B3GALT1: variants seen among roughly 807,000 people sequenced by gnomAD.
The protein encoded by B3GALT1 is beta-1,3-galactosyltransferase 1.
A neutral mutation model predicts 23.2 loss-of-function variants in B3GALT1; 10 were observed. The ratio of observed to expected loss-of-function variants is 0.43; its 90% CI spans 0.27 to 0.73. The LOEUF is 0.73. B3GALT1 is among the 30% of genes least tolerant of loss of function. B3GALT1 has a pLI of 0.21. For missense variants in B3GALT1, 299 were observed against 405.4 expected (o/e 0.74, Z 2.25); for synonymous variants, 156 against 141.5 (o/e 1.10, Z -0.73).
chr2:167,613,921 G>A (rs1685112892), intron 2 of B3GALT1, among the ~76,000 whole-genome samples: 1 of 151,288 alleles, frequency 6.6e-6, no homozygotes, highest in African/African-American at 2.4e-5. Context: ...TTTTTCCCTT[G>A]ACATTATAAT....
chr2:167,558,499 C>T (rs546376012), intron 2 of B3GALT1, among the ~76,000 whole-genome samples: 7 of 152,246 alleles, frequency 4.6e-5, no homozygotes, highest in African/African-American at 7.2e-5. Flanking sequence ...TGAAGCAGGG[C>T]GAGGCATTGA....
intron 3 of B3GALT1, chr2:167,715,729 T>C: frequency 6.2e-7 from 1 of 1,613,158 alleles, no homozygotes; most frequent in Non-Finnish European, 8.5e-7. Context: ...TGGCATCCTC[T>C]AAAGATGACT....
At chr2:167,321,690 A>G (rs1696814760) in intron 1 of B3GALT1, among the ~76,000 whole-genome samples, 1 of 151,974 alleles carries the variant, frequency 6.6e-6, no homozygotes, top group African/African-American at 2.4e-5. Context: ...CTCCTTCTCT[A>G]TTCATGCTTC....
intron 4 of B3GALT1, among the ~76,000 whole-genome samples, chr2:167,853,024 T>C (rs1238830569): frequency 6.6e-6 from 1 of 152,148 alleles, no homozygotes; most frequent in Non-Finnish European, 1.5e-5. Context: ...TTCAAAGCAA[T>C]TGAAAAATTA....
At chr2:167,594,906 A>C (rs1322521594) in intron 2 of B3GALT1, among the ~76,000 whole-genome samples, 1 of 147,718 alleles carries the variant, frequency 6.8e-6, no homozygotes, top group Non-Finnish European at 1.5e-5. Flanking sequence ...ACTCTGTCTC[A>C]AAAAAAAAAG....
rs143564836 is a variant in B3GALT1 at position 167,407,745 on chromosome 2, T to C, written c.-510-82432T>C. On this transcript the variant is annotated intron_variant, in intron 1 of 4. Coordinates refer to ENST00000392690, the MANE Select transcript of B3GALT1 (RefSeq NM_020981.4). ...AACTTGGAAACCTAGAAGTAATGCA[T>C]ATATTCCTGGACACATATCACTTAC... 1.1e-3 allele frequency among the ~76,000 whole-genome samples: 173 copies of C among 152,190 alleles called. 2 individuals carry two copies. In the Middle Eastern group the frequency reaches 0.034, roughly 30 times the overall value.
At chr2:167,756,932 G>A (rs948732963) in intron 3 of B3GALT1, among the ~76,000 whole-genome samples, 2 of 152,094 alleles carry the variant, frequency 1.3e-5, no homozygotes, top group Admixed American at 1.3e-4. Context: ...GTTAGGAGGT[G>A]GTGGGATGGA....
chr2:167,543,356 T>C (rs1683566498), intron 2 of B3GALT1, among the ~76,000 whole-genome samples: 1 of 152,204 alleles, frequency 6.6e-6, no homozygotes, highest in Non-Finnish European at 1.5e-5. Context: ...CTTTTTGACA[T>C]TTTTTGAGAG....
intron 3 of B3GALT1, among the ~76,000 whole-genome samples, chr2:167,775,403 T>C (rs1430180262): frequency 6.6e-6 from 1 of 151,996 alleles, no homozygotes; most frequent in African/African-American, 2.4e-5. Context: ...ACCCCATCTC[T>C]ACTGTAAATA....
intron 2 of B3GALT1, among the ~76,000 whole-genome samples, chr2:167,507,504 CAAAAAA>C (rs60408245): frequency 0.035 from 933 of 26,522 alleles, 11 homozygotes; most frequent in African/African-American, 0.074. Flanking sequence ...GACTCCGTCT[CAAAAAA>C]AAAAAAAAAA....
intron 2 of B3GALT1, among the ~76,000 whole-genome samples, chr2:167,606,480 T>C (rs942639808): frequency 1.3e-5 from 2 of 152,224 alleles, no homozygotes; most frequent in African/African-American, 4.8e-5. Context: ...ACAGAAACTA[T>C]GTGAAGAAAG....
intron 1 of B3GALT1, among the ~76,000 whole-genome samples, chr2:167,425,341 T>C (rs565058714): frequency 6.6e-6 from 1 of 152,352 alleles, no homozygotes; most frequent in Non-Finnish European, 1.5e-5. Flanking sequence ...CATATTTGTA[T>C]TGAATAATGC....
At chr2:167,756,173 G>C (rs370557986) in intron 3 of B3GALT1, among the ~76,000 whole-genome samples, 6 of 145,538 alleles carry the variant, frequency 4.1e-5, no homozygotes, top group African/African-American at 1.5e-4. Context: ...TTCCCACCCC[G>C]CCCCCCAGGA....
At chr2:167,297,395 TA>T (rs57035238) in intron 1 of B3GALT1, among the ~76,000 whole-genome samples, 104 of 144,258 alleles carry the variant, frequency 7.2e-4, no homozygotes, top group Admixed American at 2.0e-3. Context: ...AAAAACTGAT[TA>T]AAAAAAAAAA....
At chr2:167,354,926 G>A (rs1030934821) in intron 1 of B3GALT1, among the ~76,000 whole-genome samples, 4 of 152,096 alleles carry the variant, frequency 2.6e-5, no homozygotes, top group African/African-American at 9.7e-5. Flanking sequence ...AAATTGGTTT[G>A]CCAGAATGTG....
chr2:167,826,054 A>G (rs994123154), intron 4 of B3GALT1, among the ~76,000 whole-genome samples: 6 of 152,030 alleles, frequency 3.9e-5, no homozygotes, highest in African/African-American at 1.4e-4. Flanking sequence ...GTGCCATACA[A>G]TTTCCCTCAA....
intron 1 of B3GALT1, among the ~76,000 whole-genome samples, chr2:167,455,113 A>G (rs1027051467): frequency 6.6e-6 from 1 of 152,230 alleles, no homozygotes; most frequent in Middle Eastern, 3.2e-3. Flanking sequence ...TTATCCACAT[A>G]TGGATTTCCA....
chr2:167,374,166 C>T (rs1002462814), intron 1 of B3GALT1, among the ~76,000 whole-genome samples: 2 of 152,164 alleles, frequency 1.3e-5, no homozygotes, highest in African/African-American at 2.4e-5. Context: ...TCTCCAGCTG[C>T]GTCCATGCAG....
At chr2:167,719,611 G>A (rs1687200768) in intron 3 of B3GALT1, among the ~76,000 whole-genome samples, 1 of 152,188 alleles carries the variant, frequency 6.6e-6, no homozygotes, top group Non-Finnish European at 1.5e-5. Flanking sequence ...TTGTTTATCA[G>A]AGCAGTAGAT....
Sources: gnomAD v4.1 joint callset for allele counts (sites outside exome capture counted in the v4.1 genomes callset) on GRCh38, gnomAD v4.1.1 for gene constraint, MANE v1.5 for transcripts, NCBI Gene and HGNC (gene_info 2026-07-23, HGNC 2026-07-21) for gene names.